Variants in STX18 observed in about 807,000 individuals in gnomAD.
STX18 encodes syntaxin-18.
A neutral mutation model predicts 50.1 loss-of-function variants in STX18; 40 were observed. The observed-to-expected ratio is 0.80, with a 90% CI of 0.62 to 1.04. The LOEUF is 1.04. Among genes scored for constraint, STX18 ranks in the 50% least tolerant of loss-of-function variants. The pLI is 0.00. For missense variants in STX18, 410 were observed against 415.8 expected (o/e 0.99, Z 0.12); for synonymous variants, 158 against 151.8 (o/e 1.04, Z -0.30).
chr4:4,472,016 T>G (rs1176773116), intron 1 of STX18, among the ~76,000 whole-genome samples: 1 of 152,258 alleles, frequency 6.6e-6, no homozygotes, highest in African/African-American at 2.4e-5. Flanking sequence ...TCAATAAGGT[T>G]AATTCCTTTT....
intron 1 of STX18, among the ~76,000 whole-genome samples, chr4:4,485,748 T>C (rs553145944): frequency 1.4e-3 from 211 of 152,298 alleles, no homozygotes; most frequent in Non-Finnish European, 2.4e-3. Flanking sequence ...GATAACCTCC[T>C]ACCATTAGGT....
At chr4:4,514,850 C>T (rs1419230881) in intron 1 of STX18, among the ~76,000 whole-genome samples, 1 of 151,916 alleles carries the variant, frequency 6.6e-6, no homozygotes, top group Non-Finnish European at 1.5e-5. Context: ...TCCAAAGGGT[C>T]TCTCAAGTTC....
At chr4:4,467,693 A>T (rs1243421582) in intron 2 of STX18, among the ~76,000 whole-genome samples, 9 of 139,538 alleles carry the variant, frequency 6.4e-5, no homozygotes, top group African/African-American at 2.1e-4. Context: ...GGTGCTTATC[A>T]GAGTACCTAA....
At chr4:4,532,042 G>A (rs1372439607) in intron 1 of STX18, among the ~76,000 whole-genome samples, 1 of 152,074 alleles carries the variant, frequency 6.6e-6, no homozygotes, top group Non-Finnish European at 1.5e-5. Flanking sequence ...CAAATAAACT[G>A]GTGGTAAGAG....
chr4:4,428,243 G>A (rs1725351599), intron 7 of STX18, among the ~76,000 whole-genome samples: 1 of 152,240 alleles, frequency 6.6e-6, no homozygotes, highest in Admixed American at 6.5e-5. Flanking sequence ...GGCAATGCTG[G>A]GCCAGTCACT....
At chr4:4,433,534 T>TAAA (rs10676475) in intron 7 of STX18, among the ~76,000 whole-genome samples, 3,642 of 110,968 alleles carry the variant, frequency 0.033, 59 homozygotes, top group Admixed American at 0.047. Flanking sequence ...AAAAATAAAT[T>TAAA]AAAAAAAAAA....
rs978975473 is a variant in STX18, at chr4:4,420,925, A to G, written c.851T>C (p.Ile284Thr). The G allele has an allele frequency of 1.2e-6, 2 of 1,614,168 alleles. No individual in the cohort carries two copies. The highest frequency in any genetic ancestry group is 2.2e-5 in the South Asian group (2 of 91,088). Residue 284 changes from isoleucine to threonine, a missense_variant, in exon 10 of 11, where the codon ATT becomes ACT. Ile to Thr is a moderately conservative substitution (Grantham distance 89). Transcript: ENST00000306200. This position sits in a 1 kb window ranked among gnomAD's most constrained non-coding sequence, Gnocchi z 4.3. ...AGTTGCCCCCACAACTAACTGGTGA[A>G]TGCTGTCAATCTCAGCTTCCTGTGG... ...VLQQEAEIDSIHQLVVGATEN... is the reference protein window; with the variant it reads ...VLQQEAEIDSTHQLVVGATEN...
chr4:4,430,603 A>G (rs192956756), intron 7 of STX18, among the ~76,000 whole-genome samples: 66 of 152,360 alleles, frequency 4.3e-4, no homozygotes, highest in Non-Finnish European at 8.5e-4. Flanking sequence ...TGGTGTCTTT[A>G]GACAATGACT....
At chr4:4,449,828 T>A (rs761523034) in intron 5 of STX18, among the ~76,000 whole-genome samples, 2 of 152,262 alleles carry the variant, frequency 1.3e-5, no homozygotes, top group Non-Finnish European at 2.9e-5. Context: ...TCCTATCTCA[T>A]TGAATGTGTT....
intron 5 of STX18, among the ~76,000 whole-genome samples, chr4:4,442,168 A>G (rs1254218142): frequency 1.3e-5 from 2 of 152,224 alleles, no homozygotes; most frequent in African/African-American, 4.8e-5. Flanking sequence ...TCAACTGCAT[A>G]TATGTATTTA....
chr4:4,449,042 C>CTTTTTT (rs34106688), intron 5 of STX18, among the ~76,000 whole-genome samples: 5 of 110,192 alleles, frequency 4.5e-5, no homozygotes, highest in Admixed American at 9.4e-5. Context: ...GGACCCCATT[C>CTTTTTT]TTTTTTTTTT....
intron 5 of STX18, 61 bp downstream of exon 5, chr4:4,457,130 T>C (rs1727122191): frequency 5.5e-6 from 8 of 1,466,486 alleles, no homozygotes; most frequent in Non-Finnish European, 7.6e-6. Flanking sequence ...CTACAAACTT[T>C]AACTGCTATT....
At position 4,506,896 on chromosome 4, in the gene STX18, G is replaced by A. The variant is rs180901773; in HGVS notation, c.168+34901C>T. Among the ~76,000 whole-genome samples the A allele has an allele frequency of 3.5e-3, 536 of 152,284 alleles. 5 individuals are homozygous for A. The highest frequency in any genetic ancestry group is 0.012 in the African/African-American group (492 of 41,562). On this transcript the variant is annotated intron_variant, in intron 1 of 10. Coordinates refer to ENST00000306200, the MANE Select transcript of STX18 (RefSeq NM_016930.4). The stretch of plus-strand genomic sequence containing the variant: ...AAATTCGAACCACAGTTGACCATGA[G>A]TAACTGAAACTGGAAAATTAAACTG...
chr4:4,516,817 T>C (rs1302666271), intron 1 of STX18, among the ~76,000 whole-genome samples: 1 of 152,188 alleles, frequency 6.6e-6, no homozygotes, highest in Non-Finnish European at 1.5e-5. Flanking sequence ...TTTGTATCAC[T>C]TGCAGTAACA....
chr4:4,432,260 C>G (rs1413496584), intron 7 of STX18, among the ~76,000 whole-genome samples: 1 of 152,212 alleles, frequency 6.6e-6, no homozygotes, highest in African/African-American at 2.4e-5. Context: ...AAAGGGGAAA[C>G]CACTCATCTG....
At chr4:4,529,254 C>T (rs1391691562) in intron 1 of STX18, among the ~76,000 whole-genome samples, 6 of 152,104 alleles carry the variant, frequency 3.9e-5, no homozygotes, top group African/African-American at 1.2e-4. Flanking sequence ...CCCAGCTGCT[C>T]AGGAGGCTGA....
In STX18 at chr4:4,509,650, T is replaced by C. The variant is rs192525046; in HGVS notation, c.168+32147A>G. Among the ~76,000 whole-genome samples, 219 of 152,266 alleles carry C rather than the reference T, an allele frequency of 1.4e-3. 1 individual carries two copies. The highest frequency in any genetic ancestry group is 2.7e-3 in the Non-Finnish European group (183 of 68,018). On this transcript the variant is annotated intron_variant, in intron 1 of 10. Coordinates refer to ENST00000306200, the MANE Select transcript of STX18 (RefSeq NM_016930.4). ...TATATTAAAATCAATAATAAGTGTG[T>C]TAACAAAGTATGGTAAGTGGTGAAA... is the stretch of plus-strand genomic sequence containing the variant.
At chr4:4,514,277 G>C (rs981802609) in intron 1 of STX18, among the ~76,000 whole-genome samples, 6 of 152,168 alleles carry the variant, frequency 3.9e-5, no homozygotes, top group African/African-American at 1.4e-4. Context: ...CATAAAAATT[G>C]CCATAAGTAA....
rs571862656 is a variant in STX18, at chr4:4,457,457, G to C, written c.396C>G (p.Thr132=). 3 of 1,613,920 alleles carry C rather than the reference G, an allele frequency of 1.9e-6. No individual in the cohort carries two copies. In the South Asian group the frequency reaches 3.3e-5, roughly 18 times the overall value. ...AATCTTCAATGAAATCCAAAACAGC[G>C]GTCCTGTGCTCCTTCACTTGCTGGG... The part of the protein sequence containing the change: ...IHSQQVKEHR[T]AVLDFIEDYL... The change falls in exon 4 of 11, where the codon ACC becomes ACG. Residue 132 remains threonine (T), a synonymous_variant. Coordinates refer to ENST00000306200, the MANE Select transcript of STX18 (RefSeq NM_016930.4).
Sources: allele counts gnomAD v4.1 joint callset (sites outside exome capture counted in the v4.1 genomes callset), GRCh38; gene constraint gnomAD v4.1.1; non-coding constraint Gnocchi (gnomAD v3.1); transcripts MANE v1.5; gene names NCBI Gene and HGNC (gene_info 2026-07-23, HGNC 2026-07-21).